Variants in PDE4D observed in about 807,000 individuals in gnomAD.
PDE4D encodes the protein 3',5'-cyclic-AMP phosphodiesterase 4D.
Under a neutral mutation model 87.4 loss-of-function variants are expected in PDE4D, and 24 were observed. The observed-to-expected ratio is 0.27, with a 90% CI of 0.20 to 0.39. The LOEUF is 0.39. Ranked by LOEUF, PDE4D falls within the 10% of genes least tolerant of loss-of-function variation. The pLI is 1.00. For missense variants in PDE4D, 714 were observed against 1,041.0 expected (o/e 0.69, Z 4.32); for synonymous variants, 384 against 383.2 (o/e 1.00, Z -0.02).
At chr5:59,860,824 T>C (rs1282131252) in intron 1 of PDE4D, among the ~76,000 whole-genome samples, 5 of 152,034 alleles carry the variant, frequency 3.3e-5, no homozygotes, top group Admixed American at 2.6e-4. Context: ...AATGCTAACA[T>C]AACCTTGTTG....
Position 60,360,664 on chromosome 5 carries a change from C to T in PDE4D, c.-90+127278G>A, listed in dbSNP as rs115018030. Among the ~76,000 whole-genome samples, 124 of 152,300 alleles carry T rather than the reference C, an allele frequency of 8.1e-4. 1 individual carries two copies. The highest frequency in any genetic ancestry group is 2.4e-3 in the African/African-American group (100 of 41,556). On this transcript the variant is annotated intron_variant, in intron 1 of 16. Coordinates refer to the PDE4D transcript ENST00000502484. ...ACCTAATTAAGCTTAAATTTAAGTA[C>T]CTTCATCCATACCTAATGCTATATG...
rs549069661 is a variant in PDE4D, at chr5:59,646,138, G to A, written c.455+247030C>T. ...AGCTTTATTAATTTTATAATCTGGT[G>A]TGATTTAGTTTTACATCCTAAATAA... On this transcript the variant is annotated intron_variant, in intron 1 of 14. Transcript: ENST00000340635. Among the ~76,000 whole-genome samples, 34 of 152,266 alleles carry A rather than the reference G, an allele frequency of 2.2e-4. No individual in the cohort carries two copies. In the South Asian group the frequency reaches 6.6e-3, roughly 30 times the overall value.
intron 1 of PDE4D, among the ~76,000 whole-genome samples, chr5:60,445,653 T>G (rs1026249521): frequency 2.0e-5 from 3 of 151,948 alleles, no homozygotes; most frequent in African/African-American, 7.3e-5. Flanking sequence ...AAGGGGGAAA[T>G]GGGGATTTGC....
intron 5 of PDE4D, among the ~76,000 whole-genome samples, chr5:59,093,351 A>C (rs1769090429): frequency 6.6e-6 from 1 of 152,184 alleles, no homozygotes; most frequent in Non-Finnish European, 1.5e-5. Flanking sequence ...AATCGGCTAG[A>C]GAGATTTGAA....
chr5:59,633,939 C>T (rs1416492742), intron 1 of PDE4D, among the ~76,000 whole-genome samples: 1 of 152,136 alleles, frequency 6.6e-6, no homozygotes, highest in East Asian at 1.9e-4. Context: ...ATGGCACAGG[C>T]TGGCAAACTA....
At chr5:59,171,936 A>C (rs1486758425) in intron 5 of PDE4D, among the ~76,000 whole-genome samples, 4 of 118,070 alleles carry the variant, frequency 3.4e-5, no homozygotes, top group Non-Finnish European at 6.5e-5. Context: ...TAAATATTAT[A>C]TTTATTTATA....
chr5:60,103,228 G>A (rs926176095), intron 2 of PDE4D, among the ~76,000 whole-genome samples: 1 of 152,162 alleles, frequency 6.6e-6, no homozygotes, highest in African/African-American at 2.4e-5. Flanking sequence ...AAGAGCCTTG[G>A]AGTTATTTTT....
chr5:59,937,904 G>A (rs2152795406), intron 3 of PDE4D, among the ~76,000 whole-genome samples: 1 of 152,302 alleles, frequency 6.6e-6, no homozygotes, highest in East Asian at 1.9e-4. Flanking sequence ...AAGGATCAAT[G>A]AAAAGAGGGC....
At position 59,668,769 on chromosome 5, in the gene PDE4D, AAGAAGAAAGAAG is replaced by A. The variant is rs1391812655; in HGVS notation, c.455+224387_455+224398del. Among the ~76,000 whole-genome samples the A allele has an allele frequency of 2.7e-5, 4 of 148,256 alleles. 1 individual carries two copies. Among genetic ancestry groups the A allele is most frequent in the African/African-American group, 1.0e-4 (4 of 39,224 alleles). On this transcript the variant is annotated intron_variant, in intron 1 of 14. Transcript: ENST00000340635. ...AGAAGAAGAAGAAAGAAGAAAGAAGAAGAAGAAAGAAGAAGAAGAAGAAAGAAGAAGAAGAAA... is the reference window on the plus strand; with the variant it reads ...AGAAGAAGAAGAAAGAAGAAAGAAGAAAGAAGAAGAAAGAAGAAGAAGAAA...
At chr5:60,484,603 T>G (rs559169346) in intron 1 of PDE4D, among the ~76,000 whole-genome samples, 1 of 152,290 alleles carries the variant, frequency 6.6e-6, no homozygotes, top group South Asian at 2.1e-4. Context: ...AGTAAACCTA[T>G]CGGTATTTTT....
intron 1 of PDE4D, among the ~76,000 whole-genome samples, chr5:60,413,558 G>A (rs554755234): frequency 7.9e-5 from 12 of 152,200 alleles, no homozygotes; most frequent in African/African-American, 2.9e-4. Context: ...AGGGCATAAG[G>A]TACTTTTAAT....
chr5:59,177,733 T>C (rs1371590936), intron 5 of PDE4D, among the ~76,000 whole-genome samples: 2 of 152,212 alleles, frequency 1.3e-5, no homozygotes, highest in Admixed American at 1.3e-4. Flanking sequence ...AGCAGCCTTT[T>C]GGATCAGCCA....
intron 1 of PDE4D, among the ~76,000 whole-genome samples, chr5:59,638,036 T>C (rs1047219689): frequency 7.9e-5 from 12 of 152,216 alleles, no homozygotes; most frequent in Non-Finnish European, 1.3e-4. Context: ...AATAAAATGA[T>C]TCATATTACT....
At chr5:59,816,624 T>G (rs2938786) in intron 1 of PDE4D, among the ~76,000 whole-genome samples, 71,794 of 152,058 alleles carry the variant, frequency 0.47, 17,435 homozygotes, top group Admixed American at 0.53. Context: ...ATACAATGTA[T>G]ATTTTGGCTG....
intron 1 of PDE4D, among the ~76,000 whole-genome samples, chr5:60,217,015 A>T (rs1057270797): frequency 5.3e-5 from 8 of 152,114 alleles, no homozygotes; most frequent in African/African-American, 1.9e-4. Flanking sequence ...ATTTTTCAGG[A>T]TAGACAAACA....
At chr5:59,284,368 A>T (rs1641985599) in intron 1 of PDE4D, among the ~76,000 whole-genome samples, 3 of 152,156 alleles carry the variant, frequency 2.0e-5, no homozygotes, top group Admixed American at 2.0e-4. Flanking sequence ...CCCAAATAGA[A>T]ACCTGGGCCT....
intron 1 of PDE4D, among the ~76,000 whole-genome samples, chr5:59,281,105 TG>T (rs1354598741): frequency 6.6e-6 from 1 of 152,164 alleles, no homozygotes; most frequent in African/African-American, 2.4e-5. Context: ...TGAGGGCTTA[TG>T]GAGAAGTGTA....
chr5:59,299,514 A>G (rs1010552035), intron 1 of PDE4D, among the ~76,000 whole-genome samples: 1 of 152,180 alleles, frequency 6.6e-6, no homozygotes, highest in Non-Finnish European at 1.5e-5. Context: ...CTACTGCTGC[A>G]GGAGCCTAAA....
chr5:59,629,251 T>A (rs56966592), intron 1 of PDE4D, among the ~76,000 whole-genome samples: 3,413 of 152,226 alleles, frequency 0.022, 121 homozygotes, highest in African/African-American at 0.078. Flanking sequence ...TCAAAATTAA[T>A]GTTGAAGCCT....
Sources: allele counts gnomAD v4.1 joint callset (sites outside exome capture counted in the v4.1 genomes callset), GRCh38; gene constraint gnomAD v4.1.1; transcripts MANE v1.5; gene names NCBI Gene and HGNC (gene_info 2026-07-23, HGNC 2026-07-21).